FNBP1: variants seen among roughly 807,000 people sequenced by gnomAD.
The protein encoded by FNBP1 is formin-binding protein 1.
In FNBP1, 26 loss-of-function variants were observed where a neutral mutation model predicts 90.6. The ratio of observed to expected loss-of-function variants is 0.29; its 90% confidence interval spans 0.21 to 0.40. FNBP1 has a LOEUF of 0.40. FNBP1 is among the 10% of genes least tolerant of loss of function. The pLI, the probability that FNBP1 is intolerant of heterozygous loss-of-function variation, is 1.00. For synonymous variants in FNBP1, 260 were observed against 265.2 expected, an observed-to-expected ratio of 0.98 and a Z score of 0.19; for missense variants, 635 against 768.0, an observed-to-expected ratio of 0.83 and a Z score of 2.05.
At chr9:130,035,599 G>A (rs376835635) in intron 1 of FNBP1, among the ~76,000 whole-genome samples, 1 of 152,298 alleles carries the variant, frequency 6.6e-6, no homozygotes, top group East Asian at 1.9e-4. Context: ...AGCACCTGGG[G>A]CATAGTAGGC....
rs1389808259 is a variant in FNBP1, at chr9:129,958,570, AC to A, written c.346-18del. The stretch of plus-strand genomic sequence containing the variant: ...GTGAAAGTTCTGCAAAGGGGAAAAC[AC>A]ACTGGTGATTAGTACCCTCTGCTTC... On this transcript the variant is annotated intron_variant, in intron 4 of 16. Transcript: ENST00000446176. 2 of 1,584,070 alleles carry A rather than the reference AC, an allele frequency of 1.3e-6. No individual in the cohort carries two copies. The highest frequency in any genetic ancestry group is 2.7e-5 in the African/African-American group (2 of 74,364).
chr9:129,914,811 A>G, intron 11 of FNBP1: 1 of 234,894 alleles, frequency 4.3e-6, no homozygotes, highest in Non-Finnish European at 8.8e-6. Context: ...ATAAAATACT[A>G]TCCTAGGTTA....
At chr9:129,943,834 T>C (rs2044730167) in intron 6 of FNBP1, among the ~76,000 whole-genome samples, 1 of 151,288 alleles carries the variant, frequency 6.6e-6, no homozygotes, top group Non-Finnish European at 1.5e-5. Flanking sequence ...CTACTAAAAA[T>C]ACAAAAAAAT....
chr9:129,891,751 G>T (rs569990274), intron 16 of FNBP1, among the ~76,000 whole-genome samples: 1 of 152,090 alleles, frequency 6.6e-6, no homozygotes, highest in African/African-American at 2.4e-5. Context: ...AGGAGGTAGG[G>T]GTGGGAGGCA....
upstream of FNBP1, among the ~76,000 whole-genome samples, chr9:130,043,684 G>A (rs574085001): frequency 1.3e-5 from 2 of 152,340 alleles, no homozygotes; most frequent in East Asian, 3.9e-4. Flanking sequence ...GTAACTGCGC[G>A]CTGTGCGAAT....
intron 6 of FNBP1, among the ~76,000 whole-genome samples, chr9:129,930,148 C>T (rs1030301724): frequency 6.6e-6 from 1 of 151,890 alleles, no homozygotes; most frequent in Non-Finnish European, 1.5e-5. Context: ...GCAGCCTCAA[C>T]CTCCTGGGTT....
chr9:130,052,626 GT>G, the FNBP1 span, among the ~76,000 whole-genome samples: 1,429 of 151,898 alleles, frequency 9.4e-3, 16 homozygotes, highest in African/African-American at 0.033. Flanking sequence ...TAGAGACGAG[GT>G]TTTGCCATGT....
chr9:129,925,216 CA>C, intron 8 of FNBP1, 59 bp from the exon 9 acceptor site: 1 of 1,416,966 alleles, frequency 7.1e-7, no homozygotes, highest in Non-Finnish European at 9.9e-7. Context: ...ACTTTTTAAA[CA>C]ATGAATTGGC....
At chr9:129,924,266 C>T (rs1459215344) in intron 9 of FNBP1, among the ~76,000 whole-genome samples, 1 of 152,180 alleles carries the variant, frequency 6.6e-6, no homozygotes, top group Non-Finnish European at 1.5e-5. Context: ...GAAGCTCGTG[C>T]AGACTTTCCC....
At chr9:130,006,348 A>T (rs1480245068) in intron 1 of FNBP1, among the ~76,000 whole-genome samples, 1 of 152,154 alleles carries the variant, frequency 6.6e-6, no homozygotes. Context: ...TACAAAAATT[A>T]GCTGGGCATG....
intron 6 of FNBP1, chr9:129,936,570 T>C (rs2043496040): frequency 9.8e-6 from 1 of 101,718 alleles, no homozygotes; most frequent in Non-Finnish European, 2.0e-5. Context: ...CTTTTGTTCT[T>C]TTTTCTCCTG....
intron 1 of FNBP1, among the ~76,000 whole-genome samples, chr9:130,035,602 T>C (rs531516475): frequency 1.3e-5 from 2 of 152,328 alleles, no homozygotes; most frequent in African/African-American, 2.4e-5. Context: ...ACCTGGGGCA[T>C]AGTAGGCACT....
intron 12 of FNBP1, among the ~76,000 whole-genome samples, chr9:129,903,968 T>C (rs150768767): frequency 0.021 from 3,240 of 152,040 alleles, 118 homozygotes; most frequent in African/African-American, 0.075. Flanking sequence ...ACCCAGGAGG[T>C]GGAGGTTGCA....
intron 9 of FNBP1, 53 bp downstream of exon 9, chr9:129,924,907 C>G (rs1449663651): frequency 2.8e-6 from 4 of 1,450,632 alleles, no homozygotes; most frequent in Non-Finnish European, 3.7e-6. Flanking sequence ...ACTAAAAGAT[C>G]AAGTCAAAAT....
intron 12 of FNBP1, among the ~76,000 whole-genome samples, chr9:129,903,423 GAGT>G (rs886229322): frequency 2.6e-4 from 40 of 152,154 alleles, no homozygotes; most frequent in African/African-American, 8.7e-4. Flanking sequence ...GGGAAGATTA[GAGT>G]ATGGATAAGG....
At chr9:129,986,818 T>C (rs1224155995) in intron 2 of FNBP1, among the ~76,000 whole-genome samples, 3 of 151,566 alleles carry the variant, frequency 2.0e-5, no homozygotes, top group African/African-American at 7.3e-5. Context: ...AATAAAAAAA[T>C]AAAAATAAGA....
intron 5 of FNBP1, 103 bp downstream of exon 5, chr9:129,958,388 C>G (rs2047262357): frequency 1.2e-6 from 1 of 806,866 alleles, no homozygotes; most frequent in Admixed American, 2.5e-5. Context: ...GCCGAGATCG[C>G]ACCATTGCAC....
intron 6 of FNBP1, among the ~76,000 whole-genome samples, chr9:129,955,392 C>T (rs1588850942): frequency 6.6e-6 from 1 of 151,982 alleles, no homozygotes; most frequent in East Asian, 1.9e-4. Context: ...GGCTACCATG[C>T]TCCACTAATT....
chr9:129,931,937 G>T (rs931780181), intron 6 of FNBP1, among the ~76,000 whole-genome samples: 2 of 152,078 alleles, frequency 1.3e-5, no homozygotes, highest in African/African-American at 4.8e-5. Flanking sequence ...AAGAGGCCAG[G>T]TGCGGTGCCT....
Sources: allele counts gnomAD v4.1 joint callset (sites outside exome capture counted in the v4.1 genomes callset), GRCh38; gene constraint gnomAD v4.1.1; transcripts MANE v1.5; gene names NCBI Gene and HGNC (gene_info 2026-07-23, HGNC 2026-07-21).